Variants in CSMD1 observed in about 807,000 individuals in gnomAD.
CSMD1 encodes the protein CUB and sushi domain-containing protein 1.
CSMD1 carries 213 observed loss-of-function variants against 417.5 expected under a neutral mutation model. That is an observed-to-expected ratio of 0.51 (90% CI 0.46 to 0.57). The LOEUF (loss-of-function observed/expected upper bound fraction) is 0.57, where lower values mean the gene tolerates loss of function less well. CSMD1 is among the 20% of genes least tolerant of loss of function. CSMD1 has a pLI of 0.00. For missense variants in CSMD1, 6,923 were observed against 4,529.7 expected, an observed-to-expected ratio of 1.53 and a Z score of -15.17; for synonymous variants, 2,862 against 1,736.8, an observed-to-expected ratio of 1.65 and a Z score of -16.11.
intron 2 of CSMD1, among the ~76,000 whole-genome samples, chr8:4,601,075 G>C (rs1345562282): frequency 2.0e-5 from 3 of 151,276 alleles, no homozygotes; most frequent in Non-Finnish European, 4.4e-5. Context: ...TCCTGCCTCA[G>C]CCTCCCAAGT....
At chr8:4,038,434 C>G (rs542879996) in intron 3 of CSMD1, among the ~76,000 whole-genome samples, 1 of 152,086 alleles carries the variant, frequency 6.6e-6, no homozygotes, top group Non-Finnish European at 1.5e-5. Context: ...CACACAGACA[C>G]AAATATTACC....
chr8:3,982,402 G>A (rs774187288), intron 5 of CSMD1, among the ~76,000 whole-genome samples: 1 of 151,604 alleles, frequency 6.6e-6, no homozygotes, highest in African/African-American at 2.4e-5. Context: ...AATTAAATGA[G>A]CTAATATATG....
At chr8:3,379,787 TA>T (rs1352338703) in intron 18 of CSMD1, among the ~76,000 whole-genome samples, 1 of 152,084 alleles carries the variant, frequency 6.6e-6, no homozygotes, top group Non-Finnish European at 1.5e-5. Flanking sequence ...CCTAAAACCA[TA>T]AAAACCCTAG....
intron 3 of CSMD1, among the ~76,000 whole-genome samples, chr8:4,103,058 A>G (rs1801387118): frequency 6.6e-6 from 1 of 152,224 alleles, no homozygotes; most frequent in African/African-American, 2.4e-5. Flanking sequence ...GAATTATGTT[A>G]CATGGTTGTG....
At chr8:3,364,307 T>C (rs1038510630) in intron 20 of CSMD1, among the ~76,000 whole-genome samples, 1 of 152,186 alleles carries the variant, frequency 6.6e-6, no homozygotes, top group Non-Finnish European at 1.5e-5. Flanking sequence ...AGTGTTGTCT[T>C]TTGTTTTTAA....
At chr8:4,100,143 T>A (rs143386403) in intron 3 of CSMD1, among the ~76,000 whole-genome samples, 170 of 152,302 alleles carry the variant, frequency 1.1e-3, no homozygotes, top group African/African-American at 3.6e-3. Flanking sequence ...TCCCAATACC[T>A]TGGTTTTTAT....
intron 5 of CSMD1, among the ~76,000 whole-genome samples, chr8:3,763,456 C>T (rs950959596): frequency 1.3e-5 from 2 of 152,084 alleles, no homozygotes; most frequent in South Asian, 2.1e-4. Flanking sequence ...AGCACTCCCC[C>T]CTCTCCTCTC....
chr8:3,826,910 T>C (rs1388735858), intron 5 of CSMD1, among the ~76,000 whole-genome samples: 2 of 152,106 alleles, frequency 1.3e-5, no homozygotes, highest in Non-Finnish European at 2.9e-5. Flanking sequence ...CCTCAGCCTC[T>C]TGAGTAGCTG....
At chr8:3,096,583 A>T (rs1052898103) in intron 47 of CSMD1, among the ~76,000 whole-genome samples, 1 of 152,008 alleles carries the variant, frequency 6.6e-6, no homozygotes, top group Non-Finnish European at 1.5e-5. Context: ...AATCCATTAA[A>T]TCTCTTTTTC....
intron 1 of CSMD1, among the ~76,000 whole-genome samples, chr8:4,697,444 G>C (rs957539899): frequency 3.9e-5 from 6 of 152,072 alleles, no homozygotes; most frequent in African/African-American, 1.4e-4. Flanking sequence ...GCTTACAGAG[G>C]CAAGTTCAAT....
chr8:4,154,632 G>C lies in CSMD1; in HGVS notation c.416-122533C>G, dbSNP rs904801591. ...AGCCTACAAAAGGCCTAAGTAAAAAGTTTTAAAAAAGGAATTGTATTCTAG... is the reference window on the plus strand; with the variant it reads ...AGCCTACAAAAGGCCTAAGTAAAAACTTTTAAAAAAGGAATTGTATTCTAG... On this transcript the variant is annotated intron_variant, in intron 3 of 69. Coordinates refer to ENST00000635120, the MANE Select transcript of CSMD1 (RefSeq NM_033225.6). 5.3e-5 allele frequency among the ~76,000 whole-genome samples: 8 copies of C among 152,102 alleles called. No homozygotes were observed. The South Asian group carries it at 8.3e-4, about 16-fold the overall frequency.
chr8:4,255,180 G>A (rs1192083183), intron 3 of CSMD1, among the ~76,000 whole-genome samples: 1 of 152,168 alleles, frequency 6.6e-6, no homozygotes, highest in African/African-American at 2.4e-5. Context: ...ATGCTGGAAA[G>A]AGCATGATGG....
chr8:4,218,586 A>T (rs1404972526), intron 3 of CSMD1, among the ~76,000 whole-genome samples: 1 of 152,174 alleles, frequency 6.6e-6, no homozygotes, highest in Non-Finnish European at 1.5e-5. Flanking sequence ...AATAATGATT[A>T]ATTTTACAGT....
Position 3,071,383 on chromosome 8 carries a change from G to C in CSMD1, c.7474+15714C>G, listed in dbSNP as rs374355882. On this transcript the variant is annotated intron_variant, in intron 49 of 69. Coordinates refer to ENST00000635120, the MANE Select transcript of CSMD1 (RefSeq NM_033225.6). ...GGGAGCAAGAGGAGGGAGAGCATTAGGACAAATACCTAATGAATGCAGGGC... is the reference window on the plus strand; with the variant it reads ...GGGAGCAAGAGGAGGGAGAGCATTACGACAAATACCTAATGAATGCAGGGC... 1.3e-4 allele frequency among the ~76,000 whole-genome samples: 20 copies of C among 152,236 alleles called. No individual in the cohort carries two copies. The East Asian group carries it at 3.3e-3, about 25-fold the overall frequency.
At chr8:3,999,962 G>C (rs1005167130) in intron 4 of CSMD1, among the ~76,000 whole-genome samples, 2 of 152,200 alleles carry the variant, frequency 1.3e-5, no homozygotes, top group African/African-American at 2.4e-5. Context: ...TAAGTGCACA[G>C]ATTATAAAAA....
At chr8:4,205,068 G>T (rs528283366) in intron 3 of CSMD1, among the ~76,000 whole-genome samples, 1 of 152,092 alleles carries the variant, frequency 6.6e-6, no homozygotes, top group South Asian at 2.1e-4. Flanking sequence ...CAATGCCACA[G>T]AGTTTACTGT....
intron 7 of CSMD1, among the ~76,000 whole-genome samples, chr8:3,705,145 C>T (rs1379370877): frequency 6.6e-6 from 1 of 152,170 alleles, no homozygotes; most frequent in Non-Finnish European, 1.5e-5. Flanking sequence ...GGGGACACCA[C>T]CAGGGACAGG....
At chr8:3,455,483 G>T (rs563751914) in intron 12 of CSMD1, among the ~76,000 whole-genome samples, 1 of 152,148 alleles carries the variant, frequency 6.6e-6, no homozygotes, top group Non-Finnish European at 1.5e-5. Flanking sequence ...TGTACAGATG[G>T]GGTTTTGGTG....
intron 5 of CSMD1, among the ~76,000 whole-genome samples, chr8:3,964,701 T>G (rs551993943): frequency 6.6e-6 from 1 of 152,230 alleles, no homozygotes; most frequent in Non-Finnish European, 1.5e-5. Flanking sequence ...AGTTATTAAA[T>G]AAACGCTTCA....
Sources: allele counts gnomAD v4.1 joint callset (sites outside exome capture counted in the v4.1 genomes callset), GRCh38; gene constraint gnomAD v4.1.1; transcripts MANE v1.5; gene names NCBI Gene and HGNC (gene_info 2026-07-23, HGNC 2026-07-21).